The following NALF1 variants were observed in gnomAD, a reference collection of about 807,000 sequenced individuals.
NALF1 encodes NALCN channel auxiliary factor 1.
Under a neutral mutation model 48.4 loss-of-function variants are expected in NALF1, and 3 were observed. The ratio of observed to expected loss-of-function variants is 0.06; its 90% CI spans 0.03 to 0.16. NALF1 has a LOEUF of 0.16. NALF1 is among the 10% of genes least tolerant of loss of function. The pLI is 1.00. For missense variants in NALF1, 526 were observed against 571.5 expected (o/e 0.92, Z 0.81); for synonymous variants, 262 against 245.7 (o/e 1.07, Z -0.62).
chr13:107,761,494 CAT>C (rs1437209765), intron 1 of NALF1, among the ~76,000 whole-genome samples: 1 of 152,166 alleles, frequency 6.6e-6, no homozygotes. Flanking sequence ...ATTTCTTGCA[CAT>C]GAGTCTGGTT....
chr13:107,865,998 G>A lies in NALF1; in HGVS notation c.599C>T (p.Ala200Val), dbSNP rs202196215. The change falls in exon 1 of 3, where the codon GCC becomes GTC. Residue 200 changes from alanine to valine, a missense_variant. By Grantham distance (64) the Ala-to-Val change is moderately conservative. This residue lies in a region of NALF1 where 373 missense variants were observed against 355.5 expected (regional missense o/e 1.05). Transcript: ENST00000375915. Reference sequence around the variant, plus strand: ...CCTCACCTCCTGCCCGTCCCCCCCGGCCGCCCCCCGACTCCAGTTCCTGGC... The same window carrying A: ...CCTCACCTCCTGCCCGTCCCCCCCGACCGCCCCCCGACTCCAGTTCCTGGC... ...VCARNWSRGAAGGDGQEVRSK... is the reference protein window; with the variant it reads ...VCARNWSRGAVGGDGQEVRSK... 129 of 1,611,846 alleles carry A rather than the reference G, an allele frequency of 8.0e-5. No homozygotes were observed. The highest frequency in any genetic ancestry group is 1.0e-4 in the Non-Finnish European group (122 of 1,179,898).
At chr13:107,858,241 T>C (rs1880485348) in intron 1 of NALF1, among the ~76,000 whole-genome samples, 1 of 152,224 alleles carries the variant, frequency 6.6e-6, no homozygotes, top group Non-Finnish European at 1.5e-5. Context: ...ATAGAAGTAG[T>C]AAATATGGCA....
intron 2 of NALF1, among the ~76,000 whole-genome samples, chr13:107,174,786 A>G (rs1452868632): frequency 1.3e-5 from 2 of 152,086 alleles, no homozygotes; most frequent in Admixed American, 1.3e-4. Flanking sequence ...GGGGAGTCTC[A>G]GCTTCAGGGT....
intron 1 of NALF1, among the ~76,000 whole-genome samples, chr13:107,660,612 A>G (rs1880712267): frequency 6.6e-6 from 1 of 152,160 alleles, no homozygotes; most frequent in Non-Finnish European, 1.5e-5. Context: ...AAATTATCAA[A>G]TCTACAGTTA....
intron 1 of NALF1, among the ~76,000 whole-genome samples, chr13:107,344,283 C>T (rs1247933183): frequency 1.3e-5 from 2 of 152,120 alleles, no homozygotes; most frequent in Non-Finnish European, 2.9e-5. Context: ...GCCAATCCTT[C>T]TCAAACTCTT....
chr13:107,346,348 C>G (rs115315531), intron 1 of NALF1, among the ~76,000 whole-genome samples: 24 of 152,038 alleles, frequency 1.6e-4, no homozygotes, highest in Admixed American at 3.9e-4. Context: ...CAGCATTATA[C>G]GCAATATCCA....
rs1878093111 is a variant in NALF1, at chr13:107,786,942, T to C, written c.915+78740A>G. ...TGGAAAGTAGATCTAGTGGGGACAATGGACGCCTGAGATATCTTCATTTCT... is the reference window on the plus strand; with the variant it reads ...TGGAAAGTAGATCTAGTGGGGACAACGGACGCCTGAGATATCTTCATTTCT... On this transcript the variant is annotated intron_variant, in intron 1 of 2. Coordinates refer to ENST00000375915, the MANE Select transcript of NALF1 (RefSeq NM_001080396.3). Among the ~76,000 whole-genome samples, 4 of 152,154 alleles carry C rather than the reference T, an allele frequency of 2.6e-5. No individual in the cohort carries two copies. In the South Asian group the frequency reaches 8.3e-4, roughly 32 times the overall value.
chr13:107,473,753 G>T (rs1188016985), intron 1 of NALF1, among the ~76,000 whole-genome samples: 2 of 152,128 alleles, frequency 1.3e-5, no homozygotes, highest in Admixed American at 6.5e-5. Flanking sequence ...TGCCCCAATG[G>T]TTTGTACTGA....
chr13:107,612,085 GGGAGAGAGGGGAGGGGGA>G (rs1879240824), intron 1 of NALF1, among the ~76,000 whole-genome samples: 2 of 65,168 alleles, frequency 3.1e-5, no homozygotes, highest in Admixed American at 1.5e-4. Context: ...GGGAGTGGGG[GGGAGAGAGGGGAGGGGGA>G]GGGAGGAAGG....
intron 1 of NALF1, among the ~76,000 whole-genome samples, chr13:107,380,806 G>A (rs1883422797): frequency 6.6e-6 from 1 of 151,438 alleles, no homozygotes; most frequent in African/African-American, 2.4e-5. Flanking sequence ...GTGAGACCCC[G>A]TCTCTACTAA....
intron 1 of NALF1, among the ~76,000 whole-genome samples, chr13:107,797,747 C>A (rs938228820): frequency 3.3e-5 from 5 of 150,646 alleles, no homozygotes; most frequent in African/African-American, 1.2e-4. Context: ...AATTTATTTT[C>A]AAATATCTAA....
intron 1 of NALF1, among the ~76,000 whole-genome samples, chr13:107,249,220 A>G (rs2138842335): frequency 6.6e-6 from 1 of 152,260 alleles, no homozygotes; most frequent in Admixed American, 6.5e-5. Context: ...TAATTTTAAT[A>G]AAGATATGAT....
chr13:107,789,458 G>A (rs1015284941), intron 1 of NALF1, among the ~76,000 whole-genome samples: 4 of 152,066 alleles, frequency 2.6e-5, no homozygotes, highest in South Asian at 2.1e-4. Context: ...TACACAGATC[G>A]TTTATTGTTG....
Position 107,308,265 on chromosome 13 carries a change from G to A in NALF1, c.916-97510C>T, listed in dbSNP as rs1346646813. ...CGCCCAGGCTGGAGTCCAGTGGCGT[G>A]ACCTCGGCTCACTGCAAGCTCCGTC... On this transcript the variant is annotated intron_variant, in intron 1 of 2. Coordinates refer to ENST00000375915, the MANE Select transcript of NALF1 (RefSeq NM_001080396.3). Among the ~76,000 whole-genome samples, 65 of 143,750 alleles carry A rather than the reference G, an allele frequency of 4.5e-4. No homozygotes were observed. In the Middle Eastern group the frequency reaches 0.016, roughly 34 times the overall value. The allele number at this position is 143,750 out of a possible 152,430, so 94.3% of individuals were successfully genotyped here. A position where few individuals can be genotyped will look rare whatever the true frequency, so the allele number is the denominator to read the frequency against.
chr13:107,686,078 G>A (rs373612307), intron 1 of NALF1, among the ~76,000 whole-genome samples: 7 of 152,362 alleles, frequency 4.6e-5, no homozygotes, highest in Middle Eastern at 3.4e-3. Flanking sequence ...AGGGGAGGAC[G>A]GCGGGGGCCG....
chr13:107,735,308 AC>A (rs1471546651), intron 1 of NALF1, among the ~76,000 whole-genome samples: 8 of 152,214 alleles, frequency 5.3e-5, no homozygotes, highest in Admixed American at 1.3e-4. Flanking sequence ...AGACTAAATG[AC>A]GAGTATTTCC....
chr13:107,445,138 T>C (rs1566345285), intron 1 of NALF1, among the ~76,000 whole-genome samples: 1 of 152,170 alleles, frequency 6.6e-6, no homozygotes, highest in Non-Finnish European at 1.5e-5. Flanking sequence ...TGTGTGTGTG[T>C]ATGTTCTATG....
intron 1 of NALF1, among the ~76,000 whole-genome samples, chr13:107,635,666 A>G (rs999408502): frequency 6.6e-6 from 1 of 152,204 alleles, no homozygotes; most frequent in Non-Finnish European, 1.5e-5. Flanking sequence ...AATGGGAATG[A>G]TAATAATTGT....
At chr13:107,265,258 TA>T (rs1290555722) in intron 1 of NALF1, among the ~76,000 whole-genome samples, 1 of 152,240 alleles carries the variant, frequency 6.6e-6, no homozygotes, top group African/African-American at 2.4e-5. Context: ...ATTGATTTGT[TA>T]AATTTCTCTA....
Sources: gnomAD v4.1 joint callset for allele counts (sites outside exome capture counted in the v4.1 genomes callset) on GRCh38, gnomAD v4.1.1 for gene constraint, gnomAD v4.1.1 regional missense constraint, MANE v1.5 for transcripts, NCBI Gene and HGNC (gene_info 2026-07-23, HGNC 2026-07-21) for gene names.